Variants in CIB4 observed in about 807,000 individuals in gnomAD.
The protein encoded by CIB4 is calcium and integrin-binding family member 4.
A neutral mutation model predicts 25.8 loss-of-function variants in CIB4; 25 were observed. The ratio of observed to expected loss-of-function variants is 0.97; its 90% CI spans 0.71 to 1.35. CIB4 has a LOEUF of 1.35. CIB4 is among the 40% of genes most tolerant of loss of function. The pLI is 0.00. For missense variants in CIB4, 235 were observed against 228.2 expected (o/e 1.03, Z -0.19); for synonymous variants, 75 against 81.4 (o/e 0.92, Z 0.42).
intron 3 of CIB4, among the ~76,000 whole-genome samples, chr2:26,602,733 T>C (rs562674278): frequency 6.6e-6 from 1 of 152,302 alleles, no homozygotes; most frequent in Non-Finnish European, 1.5e-5. Context: ...ATAGGTCATG[T>C]TGATGTCAGG....
Position 26,611,396 on chromosome 2 carries a change from C to T in CIB4, c.187-16079G>A, listed in dbSNP as rs191412228. On this transcript the variant is annotated intron_variant, in intron 3 of 6. Transcript: ENST00000288861. Reference sequence around the variant, plus strand: ...CGAAGAGACCTTTATGGAGTCATGTCAACTTAGAGGGAGGTCTCTAGTGAT... The same window carrying T: ...CGAAGAGACCTTTATGGAGTCATGTTAACTTAGAGGGAGGTCTCTAGTGAT... Among the ~76,000 whole-genome samples the T allele has an allele frequency of 3.0e-3, 452 of 152,322 alleles. 2 individuals are homozygous for T. The highest frequency in any genetic ancestry group is 0.014 in the Middle Eastern group (4 of 294).
chr2:26,601,230 AAATATATATATATATATATATAT>A (rs1444722983), intron 3 of CIB4, among the ~76,000 whole-genome samples: 3 of 47,412 alleles, frequency 6.3e-5, no homozygotes, highest in African/African-American at 2.1e-4. Flanking sequence ...AAAAAAAAAA[AAATATATATATATATATATATAT>A]ATATATATAT....
At chr2:26,623,215 T>C (rs1669238250) in intron 3 of CIB4, among the ~76,000 whole-genome samples, 1 of 151,748 alleles carries the variant, frequency 6.6e-6, no homozygotes, top group Non-Finnish European at 1.5e-5. Flanking sequence ...TGGTGGTACA[T>C]GCCTGTGGTT....
intron 3 of CIB4, chr2:26,623,540 C>T (rs757623209): frequency 6.4e-6 from 3 of 471,376 alleles, no homozygotes; most frequent in South Asian, 1.5e-5. Context: ...CAGAAAGGCT[C>T]GGAAAACTTT....
chr2:26,585,158 C>T (rs1558552866), intron 4 of CIB4, among the ~76,000 whole-genome samples: 1 of 152,148 alleles, frequency 6.6e-6, no homozygotes, highest in Non-Finnish European at 1.5e-5. Flanking sequence ...CTCAACAGAC[C>T]TTGGAAGAGC....
intron 3 of CIB4, among the ~76,000 whole-genome samples, chr2:26,596,084 CT>C (rs1244231377): frequency 4.6e-5 from 7 of 152,210 alleles, no homozygotes; most frequent in Non-Finnish European, 1.0e-4. Context: ...AAATTTCACA[CT>C]GTGAAAGCTT....
chr2:26,624,054 C>G (rs1669254865), intron 3 of CIB4, among the ~76,000 whole-genome samples: 1 of 152,228 alleles, frequency 6.6e-6, no homozygotes, highest in African/African-American at 2.4e-5. Flanking sequence ...TTTTGGTCAG[C>G]AGGCTTTTCC....
chr2:26,630,226 A>C (rs529219722), intron 2 of CIB4, among the ~76,000 whole-genome samples: 23 of 152,202 alleles, frequency 1.5e-4, no homozygotes, highest in Non-Finnish European at 2.4e-4. Context: ...GCCTCAGGCT[A>C]AGAGAGGATG....
At chr2:26,629,349 A>T (rs1292463847) in intron 3 of CIB4, 61 bp downstream of exon 3, 4 of 810,462 alleles carry the variant, frequency 4.9e-6, no homozygotes, top group Non-Finnish European at 8.0e-6. Flanking sequence ...CCCAGCACCC[A>T]TCAGCCCATC....
chr2:26,581,520 G>A lies in CIB4; in HGVS notation c.528-127C>T, dbSNP rs140014205. The A allele has an allele frequency of 5.1e-3, 4,691 of 915,848 alleles. 89 individuals carry two copies. Among genetic ancestry groups the A allele is most frequent in the South Asian group, 0.039 (2,718 of 69,604 alleles). 56.7% of individuals were successfully genotyped at this position (915,848 alleles called of 1,614,324 possible). A position where few individuals can be genotyped will look rare whatever the true frequency, so the allele number is the denominator to read the frequency against. ...TCTCGTGTCCCTTTCTCTGGGTGAC[G>A]GCCACTTTGCAGCCATCCCAAAGCA... On this transcript the variant is annotated intron_variant, in intron 6 of 6. Coordinates refer to ENST00000288861, the MANE Select transcript of CIB4 (RefSeq NM_001029881.3).
intron 2 of CIB4, among the ~76,000 whole-genome samples, chr2:26,638,009 C>T (rs1240131671): frequency 6.6e-6 from 1 of 152,238 alleles, no homozygotes; most frequent in African/African-American, 2.4e-5. Context: ...CCCCACCACC[C>T]CCAGCGCTGA....
At chr2:26,622,271 GA>G (rs1203191141) in intron 3 of CIB4, among the ~76,000 whole-genome samples, 1 of 152,076 alleles carries the variant, frequency 6.6e-6, no homozygotes, top group Non-Finnish European at 1.5e-5. Context: ...TGAGGTAGGA[GA>G]ATTGCTTGAA....
At chr2:26,609,828 C>T (rs1405071348) in intron 3 of CIB4, among the ~76,000 whole-genome samples, 9 of 152,282 alleles carry the variant, frequency 5.9e-5, no homozygotes, top group African/African-American at 9.6e-5. Flanking sequence ...CGTTTTCCCA[C>T]GGAAAACACA....
intron 3 of CIB4, among the ~76,000 whole-genome samples, chr2:26,617,695 T>G (rs1669119996): frequency 6.6e-6 from 1 of 151,966 alleles, no homozygotes; most frequent in Admixed American, 6.6e-5. Flanking sequence ...AGGAGGAGGA[T>G]TATCACCGGG....
intron 2 of CIB4, among the ~76,000 whole-genome samples, chr2:26,636,435 T>C (rs1464477241): frequency 1.3e-5 from 2 of 152,214 alleles, no homozygotes; most frequent in African/African-American, 2.4e-5. Flanking sequence ...GGTATCTAGA[T>C]AGATTCATTT....
intron 3 of CIB4, among the ~76,000 whole-genome samples, chr2:26,619,437 G>A (rs1033643099): frequency 6.6e-6 from 1 of 152,156 alleles, no homozygotes; most frequent in Non-Finnish European, 1.5e-5. Context: ...ATTCTACGAG[G>A]GCAACGATGA....
At chr2:26,598,306 A>G (rs553710514) in intron 3 of CIB4, among the ~76,000 whole-genome samples, 1 of 152,140 alleles carries the variant, frequency 6.6e-6, no homozygotes, top group East Asian at 1.9e-4. Flanking sequence ...TCTCAAAAAA[A>G]AAAAAAAGTG....
chr2:26,607,590 C>T (rs1668915473), intron 3 of CIB4, among the ~76,000 whole-genome samples: 1 of 152,316 alleles, frequency 6.6e-6, no homozygotes, highest in South Asian at 2.1e-4. Context: ...AAGTCATAGC[C>T]TTGTTCACAG....
intron 3 of CIB4, among the ~76,000 whole-genome samples, chr2:26,596,615 C>T (rs538728082): frequency 3.9e-5 from 6 of 152,012 alleles, no homozygotes; most frequent in East Asian, 1.9e-4. Context: ...GGCGTGGTCG[C>T]GCATGCCTGT....
Sources: allele counts gnomAD v4.1 joint callset (sites outside exome capture counted in the v4.1 genomes callset), GRCh38; gene constraint gnomAD v4.1.1; transcripts MANE v1.5; gene names NCBI Gene and HGNC (gene_info 2026-07-23, HGNC 2026-07-21).